The following ADAMTSL1 variants were observed in gnomAD, a reference collection of about 807,000 sequenced individuals.
ADAMTSL1 encodes ADAMTS like 1, also known as ADAMTS-like protein 1.
A neutral mutation model predicts 201.8 loss-of-function variants in ADAMTSL1; 126 were observed. The ratio of observed to expected loss-of-function variants is 0.62; its 90% CI spans 0.54 to 0.72. The LOEUF (loss-of-function observed/expected upper bound fraction) is 0.72, where lower values mean the gene tolerates loss of function less well. Among genes scored for constraint, ADAMTSL1 ranks in the 30% least tolerant of loss-of-function variants. The pLI, the probability that ADAMTSL1 is intolerant of heterozygous loss-of-function variation, is 0.00. For synonymous variants in ADAMTSL1, 1,121 were observed against 903.4 expected (o/e 1.24, Z -4.32); for missense variants, 2,679 against 2,277.8 (o/e 1.18, Z -3.59).
chr9:18,082,636 A>G (rs556693428), intron 1 of ADAMTSL1, among the ~76,000 whole-genome samples: 218 of 152,310 alleles, frequency 1.4e-3, no homozygotes, highest in African/African-American at 4.9e-3. Flanking sequence ...AGCGCTGTCC[A>G]TGAATCCCTC....
At chr9:18,048,714 A>G (rs1821784149) in intron 1 of ADAMTSL1, among the ~76,000 whole-genome samples, 1 of 152,206 alleles carries the variant, frequency 6.6e-6, no homozygotes, top group Non-Finnish European at 1.5e-5. Context: ...TATACCAGAC[A>G]TCGTGAGTTG....
chr9:18,663,496 C>T lies in ADAMTSL1; in HGVS notation c.1085+1423C>T, dbSNP rs148305647. 9.0e-3 allele frequency among the ~76,000 whole-genome samples: 1,364 copies of T among 152,138 alleles called. 11 individuals carry two copies. Among genetic ancestry groups the T allele is most frequent in the South Asian group, 0.023 (111 of 4,818 alleles). On this transcript the variant is annotated intron_variant, in intron 9 of 28. Transcript: ENST00000380548. Reference sequence around the variant, plus strand: ...TTAGCCAAGACAGTTATAACCCATGCAATTTGATTTCATTTTAAAATTATT... The same window carrying T: ...TTAGCCAAGACAGTTATAACCCATGTAATTTGATTTCATTTTAAAATTATT...
intron 23 of ADAMTSL1, among the ~76,000 whole-genome samples, chr9:18,887,589 GAAAC>G (rs1461992831): frequency 1.3e-5 from 2 of 152,092 alleles, no homozygotes; most frequent in Non-Finnish European, 2.9e-5. Context: ...TAAACAGAAA[GAAAC>G]AGGTACTTTT....
At chr9:18,477,363 T>C (rs549257400) in intron 1 of ADAMTSL1, among the ~76,000 whole-genome samples, 1 of 152,338 alleles carries the variant, frequency 6.6e-6, no homozygotes, top group South Asian at 2.1e-4. Context: ...ACATGTGTTT[T>C]CCTGTTGAAT....
chr9:18,491,539 C>T (rs571920970), intron 1 of ADAMTSL1, among the ~76,000 whole-genome samples: 9 of 152,210 alleles, frequency 5.9e-5, no homozygotes, highest in Non-Finnish European at 1.0e-4. Context: ...AGAGATGGCT[C>T]ACAAAAATCA....
At chr9:18,309,020 G>C (rs570683510) in intron 2 of ADAMTSL1, among the ~76,000 whole-genome samples, 1 of 152,126 alleles carries the variant, frequency 6.6e-6, no homozygotes, top group South Asian at 2.1e-4. Context: ...GGGATGCAAG[G>C]CTTGTTCCAC....
At chr9:18,009,909 C>T (rs1234325931) in intron 1 of ADAMTSL1, among the ~76,000 whole-genome samples, 1 of 151,986 alleles carries the variant, frequency 6.6e-6, no homozygotes, top group East Asian at 1.9e-4. Context: ...CATGATTTTC[C>T]TTCTCTGAAC....
At chr9:18,686,614 T>C in intron 13 of ADAMTSL1, among the ~76,000 whole-genome samples, 1 of 152,266 alleles carries the variant, frequency 6.6e-6, no homozygotes. Context: ...AGTTATGTTT[T>C]ATTTTACCTA....
chr9:18,444,069 G>A (rs1163122812), intron 2 of ADAMTSL1, among the ~76,000 whole-genome samples: 1 of 152,192 alleles, frequency 6.6e-6, no homozygotes, highest in Non-Finnish European at 1.5e-5. Flanking sequence ...TTGTGAGGAT[G>A]TGTCAGAAGT....
Position 18,795,543 on chromosome 9 carries a change from T to C in ADAMTSL1, c.3805+19T>C. 1 of 1,589,864 alleles carries C rather than the reference T, an allele frequency of 6.3e-7. No individual in the cohort carries two copies. The highest frequency in any genetic ancestry group is 2.3e-5 in the East Asian group (1 of 44,218). On this transcript the variant is annotated intron_variant, in intron 20 of 28. Coordinates refer to ENST00000380548, the MANE Select transcript of ADAMTSL1 (RefSeq NM_001040272.6). ...TTAGCAGGTAACCCAAAAATCCCTG[T>C]TCTGTTCATTTCATAAACCTTTATT... is the stretch of plus-strand genomic sequence containing the variant.
At chr9:18,359,945 C>T (rs150648694) in intron 2 of ADAMTSL1, among the ~76,000 whole-genome samples, 35 of 151,714 alleles carry the variant, frequency 2.3e-4, no homozygotes, top group African/African-American at 8.0e-4. Flanking sequence ...TCAGTGTCCT[C>T]AGCTCTATGG....
intron 19 of ADAMTSL1, among the ~76,000 whole-genome samples, chr9:18,778,416 T>G (rs930848232): frequency 2.0e-5 from 3 of 152,240 alleles, no homozygotes; most frequent in Non-Finnish European, 4.4e-5. Flanking sequence ...TCCAGAAAGC[T>G]TTTATTCCCA....
chr9:18,132,232 T>C (rs1825982814), intron 1 of ADAMTSL1, among the ~76,000 whole-genome samples: 1 of 152,186 alleles, frequency 6.6e-6, no homozygotes. Flanking sequence ...TTTGATCAGT[T>C]CTTTTCCTTC....
intron 20 of ADAMTSL1, among the ~76,000 whole-genome samples, chr9:18,809,180 G>C (rs1823351448): frequency 1.3e-5 from 2 of 152,252 alleles, no homozygotes; most frequent in Middle Eastern, 3.4e-3. Context: ...AAAAAGTAAA[G>C]TTGTCCCCAT....
intron 1 of ADAMTSL1, among the ~76,000 whole-genome samples, chr9:18,096,175 T>C (rs1352365311): frequency 6.6e-6 from 1 of 152,208 alleles, no homozygotes. Flanking sequence ...CATGTACTAC[T>C]TTTTTGGTCA....
At chr9:17,947,861 A>G (rs1404920723) in intron 1 of ADAMTSL1, among the ~76,000 whole-genome samples, 2 of 152,194 alleles carry the variant, frequency 1.3e-5, no homozygotes, top group Non-Finnish European at 2.9e-5. Flanking sequence ...ACGAAAAGTC[A>G]TGCGTCAAAG....
chr9:18,387,886 C>T (rs1018957086), intron 2 of ADAMTSL1, among the ~76,000 whole-genome samples: 1 of 150,834 alleles, frequency 6.6e-6, no homozygotes, highest in Non-Finnish European at 1.5e-5. Context: ...AAGTTTTCCT[C>T]TAAAATTCTC....
At chr9:18,798,108 A>G (rs906682942) in intron 20 of ADAMTSL1, among the ~76,000 whole-genome samples, 2 of 152,132 alleles carry the variant, frequency 1.3e-5, no homozygotes, top group African/African-American at 2.4e-5. Context: ...AAAAAAAAAA[A>G]ACTTTGAGCC....
At chr9:18,819,034 TTC>T (rs1824037823) in intron 21 of ADAMTSL1, among the ~76,000 whole-genome samples, 1 of 152,114 alleles carries the variant, frequency 6.6e-6, no homozygotes, top group Non-Finnish European at 1.5e-5. Context: ...GTAGAGCCCT[TTC>T]TGCAGAACCA....
Sources: gnomAD v4.1 joint callset for allele counts (sites outside exome capture counted in the v4.1 genomes callset) on GRCh38, gnomAD v4.1.1 for gene constraint, MANE v1.5 for transcripts, NCBI Gene and HGNC (gene_info 2026-07-23, HGNC 2026-07-21) for gene names.